TBC1D19: variants seen among roughly 807,000 people sequenced by gnomAD.
TBC1D19 encodes TBC1 domain family, member 19.
A neutral mutation model predicts 89.0 loss-of-function variants in TBC1D19; 60 were observed. The observed-to-expected ratio is 0.67, with a 90% CI of 0.55 to 0.84. The LOEUF is 0.84. TBC1D19 is among the 40% of genes least tolerant of loss of function. TBC1D19 has a pLI of 0.00. For missense variants in TBC1D19, 500 were observed against 610.8 expected (o/e 0.82, Z 1.91); for synonymous variants, 189 against 199.7 (o/e 0.95, Z 0.45).
At chr4:26,740,839 A>C (rs1390526905) in intron 17 of TBC1D19, 2 of 985,230 alleles carry the variant, frequency 2.0e-6, no homozygotes, top group Admixed American at 1.2e-4. Context: ...CCCCCATTCT[A>C]AGCCTATATA....
the TBC1D19 span, among the ~76,000 whole-genome samples, chr4:26,793,722 CAAAAAAAA>C: frequency 2.5e-5 from 2 of 79,002 alleles, no homozygotes; most frequent in East Asian, 9.5e-4. Flanking sequence ...GACTTCGTCT[CAAAAAAAA>C]AAAAAAAAAA....
chr4:26,735,032 A>G (rs1384016375), intron 15 of TBC1D19, among the ~76,000 whole-genome samples: 3 of 151,148 alleles, frequency 2.0e-5, no homozygotes, highest in Non-Finnish European at 4.4e-5. Flanking sequence ...ACATGTATAT[A>G]TGTATATGTG....
chr4:26,789,190 G>A, the TBC1D19 span, among the ~76,000 whole-genome samples: 3 of 152,232 alleles, frequency 2.0e-5, no homozygotes, highest in Non-Finnish European at 2.9e-5. Flanking sequence ...GTGTTCCCAT[G>A]TGTAATTGAG....
At position 26,747,739 on chromosome 4, in the gene TBC1D19, A is replaced by G. The variant is rs543893860; in HGVS notation, c.1320-672A>G. Among the ~76,000 whole-genome samples, 569 of 152,310 alleles carry G rather than the reference A, an allele frequency of 3.7e-3. 3 individuals are homozygous for G. Among genetic ancestry groups the G allele is most frequent in the Middle Eastern group, 0.014 (4 of 294 alleles). Reference sequence around the variant, plus strand: ...TTCCTGATTTCAGAGATAAATTGTTATTGTAACATAACCTACTTGTAAGTA... The same window carrying G: ...TTCCTGATTTCAGAGATAAATTGTTGTTGTAACATAACCTACTTGTAAGTA... On this transcript the variant is annotated intron_variant, in intron 18 of 20. Coordinates refer to ENST00000264866, the MANE Select transcript of TBC1D19 (RefSeq NM_018317.4).
chr4:26,643,379 T>A (rs971146946), intron 7 of TBC1D19, among the ~76,000 whole-genome samples: 5 of 151,986 alleles, frequency 3.3e-5, no homozygotes, highest in Non-Finnish European at 7.4e-5. Context: ...TTGAAACCAA[T>A]GAGAACAAAG....
downstream of TBC1D19, among the ~76,000 whole-genome samples, chr4:26,759,374 G>A (rs950875852): frequency 3.3e-5 from 5 of 152,018 alleles, no homozygotes; most frequent in South Asian, 2.1e-4. Context: ...AAGTCCAAAA[G>A]GAAAGAATAT....
At chr4:26,807,686 G>A in the TBC1D19 span, among the ~76,000 whole-genome samples, 18 of 152,278 alleles carry the variant, frequency 1.2e-4, no homozygotes, top group African/African-American at 2.4e-4. Flanking sequence ...CCCAGCCCCC[G>A]TAGGTCTCTC....
chr4:26,796,555 C>G, the TBC1D19 span, among the ~76,000 whole-genome samples: 1 of 152,036 alleles, frequency 6.6e-6, no homozygotes, highest in Non-Finnish European at 1.5e-5. Context: ...GAATCCTACC[C>G]AGGAGTGGTG....
intron 12 of TBC1D19, among the ~76,000 whole-genome samples, chr4:26,686,344 G>A (rs1433124497): frequency 6.6e-6 from 1 of 151,908 alleles, no homozygotes; most frequent in Non-Finnish European, 1.5e-5. Flanking sequence ...TAGATGTTCT[G>A]AGCCAATGAT....
At chr4:26,857,800 G>A in the TBC1D19 span, 1 of 152,480 alleles carries the variant, frequency 6.6e-6, no homozygotes, top group Admixed American at 6.5e-5. Context: ...GGAGAAGAGG[G>A]AGATAGGGAG....
At chr4:26,672,002 A>G (rs1033730436) in intron 9 of TBC1D19, 147 bp from the exon 10 acceptor site, 19 of 304,982 alleles carry the variant, frequency 6.2e-5, no homozygotes, top group Non-Finnish European at 9.0e-5. Context: ...ACTTTTTTAC[A>G]TATGAGATAT....
At chr4:26,796,608 A>T in the TBC1D19 span, among the ~76,000 whole-genome samples, 6 of 152,126 alleles carry the variant, frequency 3.9e-5, no homozygotes, top group Non-Finnish European at 8.8e-5. Context: ...CTGAGGCAGG[A>T]TGATCACCTG....
chr4:26,819,814 C>T, the TBC1D19 span, among the ~76,000 whole-genome samples: 2 of 152,224 alleles, frequency 1.3e-5, no homozygotes, highest in African/African-American at 4.8e-5. Context: ...GGTCACCCAT[C>T]TACAACTGCC....
intron 4 of TBC1D19, among the ~76,000 whole-genome samples, chr4:26,632,485 A>G (rs1169035516): frequency 1.3e-5 from 2 of 152,076 alleles, no homozygotes; most frequent in Non-Finnish European, 2.9e-5. Flanking sequence ...CATCATAAAT[A>G]TCTTCATCTA....
At chr4:26,770,880 AAATC>A in the TBC1D19 span, among the ~76,000 whole-genome samples, 2 of 152,300 alleles carry the variant, frequency 1.3e-5, no homozygotes, top group Non-Finnish European at 1.5e-5. Flanking sequence ...GTCAAGGAAT[AAATC>A]AAAAGGGAAG....
intron 4 of TBC1D19, among the ~76,000 whole-genome samples, 186 bp downstream of exon 4, chr4:26,620,874 A>AT (rs1742006913): frequency 6.6e-6 from 1 of 152,222 alleles, no homozygotes; most frequent in Non-Finnish European, 1.5e-5. Context: ...GATCATACCT[A>AT]TTTAACTATG....
intron 13 of TBC1D19, among the ~76,000 whole-genome samples, chr4:26,694,783 G>C (rs868231091): frequency 2.0e-5 from 3 of 151,680 alleles, no homozygotes; most frequent in South Asian, 2.1e-4. Flanking sequence ...AGGCAAACAG[G>C]GTCTGGAGTG....
intron 4 of TBC1D19, among the ~76,000 whole-genome samples, chr4:26,630,065 A>G (rs143378456): frequency 6.2e-4 from 94 of 151,660 alleles, no homozygotes; most frequent in African/African-American, 2.2e-3. Flanking sequence ...TTTACGTGCT[A>G]TTTGTTTAAT....
intron 13 of TBC1D19, among the ~76,000 whole-genome samples, chr4:26,714,825 A>G (rs1716479064): frequency 1.3e-5 from 2 of 152,170 alleles, no homozygotes; most frequent in African/African-American, 4.8e-5. Context: ...ACACTGACTT[A>G]CTTTCCTTGC....
Sources: gnomAD v4.1 joint callset for allele counts (sites outside exome capture counted in the v4.1 genomes callset) on GRCh38, gnomAD v4.1.1 for gene constraint, MANE v1.5 for transcripts, NCBI Gene and HGNC (gene_info 2026-07-23, HGNC 2026-07-21) for gene names.